Variants in PDXDC1 observed in about 807,000 individuals in gnomAD.
PDXDC1 encodes the protein pyridoxal dependent decarboxylase domain containing 1.
In PDXDC1, 42 loss-of-function variants were observed where a neutral mutation model predicts 100.1. The ratio of observed to expected loss-of-function variants is 0.42; its 90% CI spans 0.33 to 0.54. The LOEUF (loss-of-function observed/expected upper bound fraction) is 0.54. Ranked by LOEUF, PDXDC1 falls within the 20% of genes least tolerant of loss-of-function variation. The pLI is 0.10. For synonymous variants in PDXDC1, 260 were observed against 371.7 expected (o/e 0.70, Z 3.46); for missense variants, 636 against 979.2 (o/e 0.65, Z 4.68).
intron 16 of PDXDC1, chr16:15,132,872 T>A: frequency 1.9e-6 from 3 of 1,591,178 alleles, no homozygotes; most frequent in Non-Finnish European, 2.6e-6. Context: ...GGCCCGCTCG[T>A]ACTGGGGCAG....
chr16:14,982,029 C>G (rs1354180776), intron 1 of PDXDC1, among the ~76,000 whole-genome samples: 1 of 152,282 alleles, frequency 6.6e-6, no homozygotes, highest in African/African-American at 2.4e-5. Flanking sequence ...AGGGTTTCAT[C>G]ATGTTGGCCA....
At chr16:14,998,476 GC>G in intron 3 of PDXDC1, 71 bp downstream of exon 3, 1 of 1,531,006 alleles carries the variant, frequency 6.5e-7, no homozygotes, top group Non-Finnish European at 8.9e-7. Context: ...ATGGAGTCGT[GC>G]TCTGTTGCCC....
intron 16 of PDXDC1, among the ~76,000 whole-genome samples, chr16:15,049,663 T>C (rs896318666): frequency 2.0e-5 from 3 of 151,950 alleles, no homozygotes; most frequent in African/African-American, 7.3e-5. Context: ...TGGCCTCAAG[T>C]GATCCACCTG....
intron 13 of PDXDC1, among the ~76,000 whole-genome samples, chr16:15,023,599 C>T (rs2151560179): frequency 6.6e-6 from 1 of 152,388 alleles, no homozygotes; most frequent in Non-Finnish European, 1.5e-5. Flanking sequence ...GCGGAGGTTG[C>T]AGTGAGCCGA....
At chr16:15,133,166 C>A in intron 16 of PDXDC1, 1 of 891,750 alleles carries the variant, frequency 1.1e-6, no homozygotes, top group Non-Finnish European at 1.8e-6. Flanking sequence ...TCTCTGGGGC[C>A]CGGGATAAGC....
At position 15,079,824 on chromosome 16, in the gene PDXDC1, T is replaced by C. The variant is rs544968573; in HGVS notation, c.1399+49768T>C. On this transcript the variant is annotated intron_variant, in intron 16 of 16. Transcript: ENST00000535621. ...GTTGGCCAGGCTGGTCTCGAACTCC[T>C]GACCTCAGGTGATCTGCCTGCCTCG... is the stretch of plus-strand genomic sequence containing the variant. Among the ~76,000 whole-genome samples the C allele has an allele frequency of 4.6e-5, 7 of 152,336 alleles. No individual in the cohort carries two copies. In the East Asian group the frequency reaches 1.2e-3, roughly 25 times the overall value.
At chr16:15,067,892 G>A (rs1054964694) in intron 16 of PDXDC1, among the ~76,000 whole-genome samples, 2 of 151,584 alleles carry the variant, frequency 1.3e-5, no homozygotes, top group African/African-American at 4.9e-5. Flanking sequence ...TGAGTAGTTG[G>A]GACTACAGGC....
chr16:15,051,011 C>A (rs1327023466), intron 16 of PDXDC1, among the ~76,000 whole-genome samples: 1 of 152,182 alleles, frequency 6.6e-6, no homozygotes, highest in Admixed American at 6.5e-5. Flanking sequence ...CAGGTGACAG[C>A]CTCTCATTTT....
chr16:15,039,928 T>C, downstream of PDXDC1: 1 of 1,104,364 alleles, frequency 9.1e-7, no homozygotes, highest in Non-Finnish European at 1.3e-6. Context: ...TTTGATGCCT[T>C]TTTTTTTTTA....
At chr16:14,995,936 T>C (rs915751977) in intron 1 of PDXDC1, among the ~76,000 whole-genome samples, 2 of 152,290 alleles carry the variant, frequency 1.3e-5, no homozygotes, top group Non-Finnish European at 2.9e-5. Flanking sequence ...CGTAGAGGTG[T>C]TTATAGTATT....
chr16:15,094,372 C>A, intron 16 of PDXDC1: 2 of 778,374 alleles, frequency 2.6e-6, no homozygotes, highest in African/African-American at 1.8e-5. Flanking sequence ...CGTATGCTCT[C>A]GGCGGGCTAG....
chr16:15,066,543 G>C (rs1460303204), intron 16 of PDXDC1, among the ~76,000 whole-genome samples: 11 of 151,666 alleles, frequency 7.3e-5, no homozygotes, highest in Admixed American at 7.2e-4. Context: ...TGAGGCAGGA[G>C]AACTGCATGA....
At chr16:15,001,670 G>GAA in intron 3 of PDXDC1, 106 bp from the exon 4 acceptor site, 97 of 851,642 alleles carry the variant, frequency 1.1e-4, no homozygotes, top group South Asian at 2.2e-4. Flanking sequence ...GCTTAAGAAA[G>GAA]AAAAAAAAAA....
intron 16 of PDXDC1, among the ~76,000 whole-genome samples, chr16:15,075,172 C>A (rs932596790): frequency 6.7e-6 from 1 of 149,450 alleles, no homozygotes; most frequent in African/African-American, 2.5e-5. Flanking sequence ...ATAGCTTGAA[C>A]TGGGAGGTGG....
chr16:15,032,864 T>C lies in PDXDC1; in HGVS notation c.1575T>C (p.Tyr525=), dbSNP rs1042216183. The change falls in exon 18 of 23, where the codon TAT becomes TAC. Residue 525 remains tyrosine, a synonymous_variant. Transcript: ENST00000396410. ...PNWSGIGVVR[Y]EHANDDKSSL... The stretch of plus-strand genomic sequence containing the variant: ...CTGTGGTTTGATGTTGTTTTAGGTA[T>C]GAACATGCTAATGATGATAAGAGCA... 1 of 1,552,054 alleles carries C rather than the reference T, an allele frequency of 6.4e-7. No individual in the cohort carries two copies. The highest frequency in any genetic ancestry group is 1.4e-5 in the African/African-American group (1 of 73,724).
At chr16:15,147,543 T>C in the PDXDC1 span, among the ~76,000 whole-genome samples, 1 of 152,172 alleles carries the variant, frequency 6.6e-6, no homozygotes, top group Non-Finnish European at 1.5e-5. Context: ...CCTTTTCTTT[T>C]TGAGACAGAG....
downstream of PDXDC1, chr16:15,040,019 G>A (rs1333658084): frequency 2.5e-6 from 4 of 1,611,728 alleles, no homozygotes; most frequent in Non-Finnish European, 3.4e-6. Flanking sequence ...TCCGGACCCC[G>A]ATCTTGAAAG....
chr16:15,075,556 G>C (rs1320891583), intron 16 of PDXDC1, among the ~76,000 whole-genome samples: 3 of 151,162 alleles, frequency 2.0e-5, no homozygotes, highest in Non-Finnish European at 3.0e-5. Context: ...CTGGGCAACA[G>C]AGTGAGACCC....
downstream of PDXDC1, among the ~76,000 whole-genome samples, chr16:15,042,239 G>T (rs2151695375): frequency 1.4e-5 from 2 of 146,282 alleles, no homozygotes; most frequent in South Asian, 4.3e-4. Context: ...AGGCTGGAGT[G>T]CAGTGGAGCG....
Sources: gnomAD v4.1 joint callset for allele counts (sites outside exome capture counted in the v4.1 genomes callset) on GRCh38, gnomAD v4.1.1 for gene constraint, MANE v1.5 for transcripts, NCBI Gene and HGNC (gene_info 2026-07-23, HGNC 2026-07-21) for gene names.